Variants in CSMD1 observed in about 807,000 individuals in gnomAD.
CSMD1 encodes the protein CUB and sushi domain-containing protein 1.
A neutral mutation model predicts 417.5 loss-of-function variants in CSMD1; 213 were observed. That is an observed-to-expected ratio of 0.51 (90% confidence interval 0.46 to 0.57). CSMD1 has a LOEUF of 0.57. Among genes scored for constraint, CSMD1 ranks in the 20% least tolerant of loss-of-function variants. The pLI, the probability that CSMD1 is intolerant of heterozygous loss-of-function variation, is 0.00. For missense variants in CSMD1, 6,923 were observed against 4,529.7 expected (o/e 1.53, Z -15.17); for synonymous variants, 2,862 against 1,736.8 (o/e 1.65, Z -16.11).
At chr8:3,790,301 T>G (rs1361849269) in intron 5 of CSMD1, among the ~76,000 whole-genome samples, 2 of 152,220 alleles carry the variant, frequency 1.3e-5, no homozygotes, top group African/African-American at 4.8e-5. Flanking sequence ...AAGTCATGTG[T>G]AGCTACTGGC....
At chr8:3,108,006 A>G (rs1212764912) in intron 44 of CSMD1, among the ~76,000 whole-genome samples, 3 of 152,230 alleles carry the variant, frequency 2.0e-5, no homozygotes, top group Non-Finnish European at 4.4e-5. Context: ...AAGCCCAAGG[A>G]AAAAAGTGTA....
At chr8:3,390,137 C>T (rs1039589186) in intron 17 of CSMD1, among the ~76,000 whole-genome samples, 19 of 151,820 alleles carry the variant, frequency 1.3e-4, no homozygotes, top group Admixed American at 1.3e-4. Flanking sequence ...GGTGGATCAC[C>T]TGATGTCAGG....
chr8:3,847,255 G>A (rs916106337), intron 5 of CSMD1, among the ~76,000 whole-genome samples: 8 of 152,150 alleles, frequency 5.3e-5, no homozygotes, highest in African/African-American at 1.9e-4. Flanking sequence ...ATGTAGAAAG[G>A]TCCCTAATCA....
chr8:3,997,894 G>A lies in CSMD1; in HGVS notation c.818+9C>T, dbSNP rs377041114. On this transcript the variant is annotated intron_variant, in intron 5 of 69. Coordinates refer to ENST00000635120, the MANE Select transcript of CSMD1 (RefSeq NM_033225.6). ...TGTATCCTTTGTGGCATCTCTTCCC[G>A]GGACTTACCATATGGATGGAGCTTC... 28 of 1,608,648 alleles carry A rather than the reference G, an allele frequency of 1.7e-5. No individual in the cohort carries two copies. The highest frequency in any genetic ancestry group is 1.1e-4 in the South Asian group (10 of 89,798).
intron 54 of CSMD1, among the ~76,000 whole-genome samples, chr8:2,988,904 G>A (rs950912521): frequency 2.0e-5 from 3 of 152,076 alleles, no homozygotes; most frequent in Admixed American, 6.6e-5. Context: ...GTCTAATTCC[G>A]CCTCACAGTA....
At chr8:4,123,011 T>A (rs751273562) in intron 3 of CSMD1, among the ~76,000 whole-genome samples, 1 of 152,180 alleles carries the variant, frequency 6.6e-6, no homozygotes, top group Non-Finnish European at 1.5e-5. Flanking sequence ...GCTTCCAGCT[T>A]TGACAAATTA....
At chr8:3,332,216 T>A (rs1806949969) in intron 23 of CSMD1, among the ~76,000 whole-genome samples, 1 of 152,232 alleles carries the variant, frequency 6.6e-6, no homozygotes, top group South Asian at 2.1e-4. Context: ...ATGAAAACAA[T>A]GACTTTTCCT....
chr8:4,241,605 G>A (rs985619859), intron 3 of CSMD1, among the ~76,000 whole-genome samples: 1 of 152,164 alleles, frequency 6.6e-6, no homozygotes, highest in Non-Finnish European at 1.5e-5. Context: ...CACAAGTTTA[G>A]AGGATTTCTA....
At chr8:3,548,243 T>C (rs930565163) in intron 10 of CSMD1, among the ~76,000 whole-genome samples, 2 of 152,210 alleles carry the variant, frequency 1.3e-5, no homozygotes, top group African/African-American at 4.8e-5. Context: ...TGCCCAGTTC[T>C]GCCCTTCCTC....
At chr8:3,656,484 A>G (rs543366963) in intron 7 of CSMD1, among the ~76,000 whole-genome samples, 46 of 152,306 alleles carry the variant, frequency 3.0e-4, no homozygotes, top group African/African-American at 1.1e-3. Context: ...CTGCATCTGA[A>G]GCATTCATTA....
rs545824742 is a variant in CSMD1 at position 3,727,383 on chromosome 8, C to G, written c.932-18892G>C. ...GAGGGTGCCAGAGAGCTGGCAGCCC[C>G]GCCCAGGTACCAAGTGGATACCTCA... On this transcript the variant is annotated intron_variant, in intron 6 of 69. Transcript: ENST00000635120. Among the ~76,000 whole-genome samples the G allele has an allele frequency of 2.6e-5, 4 of 152,104 alleles. No individual in the cohort carries two copies. In the South Asian group the frequency reaches 8.3e-4, roughly 32 times the overall value.
At position 4,051,286 on chromosome 8, in the gene CSMD1, G is replaced by C. The variant is rs915797086; in HGVS notation, c.416-19187C>G. ...ACAGTTTTACAAAGCCTGCACAAAA[G>C]CTCATCTAAGTTTTGAAGACTCAAA... On this transcript the variant is annotated intron_variant, in intron 3 of 69. Coordinates refer to ENST00000635120, the MANE Select transcript of CSMD1 (RefSeq NM_033225.6). Among the ~76,000 whole-genome samples the C allele has an allele frequency of 2.7e-4, 38 of 143,078 alleles. No individual in the cohort carries two copies. The South Asian group carries it at 4.8e-3, about 18-fold the overall frequency. The allele number at this position is 143,078 out of a possible 152,430, so 93.9% of individuals were successfully genotyped here. A position where few individuals can be genotyped will look rare whatever the true frequency, so the allele number is the denominator to read the frequency against.
chr8:3,953,611 C>G (rs1811729917), intron 5 of CSMD1, among the ~76,000 whole-genome samples: 1 of 151,974 alleles, frequency 6.6e-6, no homozygotes, highest in African/African-American at 2.4e-5. Flanking sequence ...CCCAAGCATA[C>G]GCATTTCAAG....
chr8:4,744,046 T>C (rs1219211888), intron 1 of CSMD1, among the ~76,000 whole-genome samples: 2 of 152,300 alleles, frequency 1.3e-5, no homozygotes, highest in African/African-American at 4.8e-5. Context: ...CGCAGCCCCG[T>C]TTTTCTTATG....
intron 28 of CSMD1, among the ~76,000 whole-genome samples, chr8:3,221,505 A>C (rs1265595810): frequency 6.6e-6 from 1 of 150,580 alleles, no homozygotes; most frequent in Non-Finnish European, 1.5e-5. Flanking sequence ...TTTATGCAAT[A>C]CTGCAAATAC....
intron 1 of CSMD1, among the ~76,000 whole-genome samples, chr8:4,879,576 T>C (rs889882153): frequency 1.3e-5 from 2 of 152,062 alleles, no homozygotes; most frequent in African/African-American, 4.8e-5. Context: ...GGGAGATTTT[T>C]ATAAAACGAA....
intron 3 of CSMD1, among the ~76,000 whole-genome samples, chr8:4,245,470 A>T (rs948621977): frequency 6.6e-6 from 1 of 152,164 alleles, no homozygotes; most frequent in Admixed American, 6.5e-5. Flanking sequence ...CACCCAACTC[A>T]GCAAACAAAA....
chr8:3,188,218 C>T (rs1796194631), intron 35 of CSMD1, among the ~76,000 whole-genome samples: 1 of 146,066 alleles, frequency 6.8e-6, no homozygotes, highest in Admixed American at 6.9e-5. Flanking sequence ...ATCTACATGT[C>T]TATCTATCTA....
At chr8:3,269,793 G>A (rs992592807) in intron 26 of CSMD1, among the ~76,000 whole-genome samples, 2 of 152,202 alleles carry the variant, frequency 1.3e-5, no homozygotes, top group African/African-American at 4.8e-5. Context: ...TAACATAATT[G>A]CAGTAGTCAG....
Sources: allele counts gnomAD v4.1 joint callset (sites outside exome capture counted in the v4.1 genomes callset), GRCh38; gene constraint gnomAD v4.1.1; transcripts MANE v1.5; gene names NCBI Gene and HGNC (gene_info 2026-07-23, HGNC 2026-07-21).